Variants in ADAM10 observed in about 807,000 individuals in gnomAD.
ADAM10 encodes ADAM metallopeptidase domain 10.
Under a neutral mutation model 90.1 loss-of-function variants are expected in ADAM10, and 17 were observed. That is an observed-to-expected ratio of 0.19 (90% CI 0.13 to 0.28). ADAM10 has a LOEUF of 0.28. ADAM10 is among the 10% of genes least tolerant of loss of function. The pLI, the probability that ADAM10 is intolerant of heterozygous loss-of-function variation, is 1.00. For missense variants in ADAM10, 610 were observed against 914.3 expected, an observed-to-expected ratio of 0.67 and a Z score of 4.29; for synonymous variants, 310 against 298.6, an observed-to-expected ratio of 1.04 and a Z score of -0.40.
chr15:58,692,413 T>C (rs750308177), intron 2 of ADAM10: 15 of 565,450 alleles, frequency 2.7e-5, no homozygotes, highest in Non-Finnish European at 4.6e-5. Context: ...TTTCTTCTTA[T>C]TATTCTTATC....
chr15:58,713,536 T>C (rs1305428828), intron 2 of ADAM10, among the ~76,000 whole-genome samples: 1 of 152,172 alleles, frequency 6.6e-6, no homozygotes, highest in Non-Finnish European at 1.5e-5. Flanking sequence ...ATAAAATAAA[T>C]GCCATAACTG....
At chr15:58,682,084 C>T (rs1391310366) in intron 3 of ADAM10, 112 bp downstream of exon 3, 6 of 1,467,296 alleles carry the variant, frequency 4.1e-6, no homozygotes, top group South Asian at 2.4e-5. Flanking sequence ...ATGAATTCAA[C>T]CTCCTCTGGA....
At chr15:58,645,910 C>A (rs908900740) in intron 6 of ADAM10, 145 bp downstream of exon 6, 4 of 815,928 alleles carry the variant, frequency 4.9e-6, no homozygotes, top group Non-Finnish European at 7.8e-6. Flanking sequence ...TATCCATGTA[C>A]TTATCTTACA....
chr15:58,637,348 T>C (rs1478709402), intron 8 of ADAM10, among the ~76,000 whole-genome samples: 1 of 152,182 alleles, frequency 6.6e-6, no homozygotes, highest in East Asian at 1.9e-4. Flanking sequence ...ACTATGTTCA[T>C]TCAGTTAACT....
chr15:58,605,822 G>C (rs551481575), intron 14 of ADAM10, among the ~76,000 whole-genome samples: 1 of 152,032 alleles, frequency 6.6e-6, no homozygotes, highest in African/African-American at 2.4e-5. Context: ...CTTAAACATA[G>C]CCAATAATAA....
chr15:58,621,646 T>A, intron 10 of ADAM10, 25 bp from the exon 11 acceptor site: 1 of 1,612,956 alleles, frequency 6.2e-7, no homozygotes, highest in Non-Finnish European at 8.5e-7. Context: ...CAAGACAAAG[T>A]AAGCATTGTG....
chr15:58,667,760 T>C (rs1488340082), intron 4 of ADAM10, among the ~76,000 whole-genome samples: 1 of 143,348 alleles, frequency 7.0e-6, no homozygotes, highest in Non-Finnish European at 1.5e-5. Flanking sequence ...AAGGATAGGC[T>C]TTTTTTTTTT....
chr15:58,741,126 C>T (rs930487507), intron 1 of ADAM10, among the ~76,000 whole-genome samples: 18 of 152,292 alleles, frequency 1.2e-4, no homozygotes, highest in African/African-American at 3.8e-4. Context: ...TGTATGCACA[C>T]GTGTGTCCTG....
chr15:58,668,330 A>G (rs1038117021), intron 4 of ADAM10, among the ~76,000 whole-genome samples: 6 of 152,152 alleles, frequency 3.9e-5, no homozygotes, highest in Admixed American at 6.5e-5. Flanking sequence ...TGGAATGAAA[A>G]CTTGTAACAT....
At chr15:58,686,670 ATGAC>A (rs1897612428) in intron 2 of ADAM10, 1 of 712,850 alleles carries the variant, frequency 1.4e-6, no homozygotes, top group African/African-American at 1.7e-5. Context: ...AAAGTGATGA[ATGAC>A]TGCCTTCAAG....
intron 1 of ADAM10, among the ~76,000 whole-genome samples, chr15:58,746,770 T>C (rs1483317107): frequency 6.6e-6 from 1 of 152,002 alleles, no homozygotes; most frequent in African/African-American, 2.4e-5. Flanking sequence ...ATAAACAAAA[T>C]AAAACATTTT....
At chr15:58,696,311 T>C (rs748108814) in intron 2 of ADAM10, among the ~76,000 whole-genome samples, 4 of 149,384 alleles carry the variant, frequency 2.7e-5, no homozygotes, top group Non-Finnish European at 6.0e-5. Flanking sequence ...AAAAAAAACA[T>C]TGTATGCTAT....
rs191637017 is a variant in ADAM10 at position 58,659,238 on chromosome 15, A to C, written c.585+5859T>G. Among the ~76,000 whole-genome samples, 18 of 151,850 alleles carry C rather than the reference A, an allele frequency of 1.2e-4. 1 individual carries two copies. The highest frequency in any genetic ancestry group is 7.9e-4 in the Admixed American group (12 of 15,246). On this transcript the variant is annotated intron_variant, in intron 5 of 15. Transcript: ENST00000260408. ...CAGTGGGCCGAGATCACACCACTGC[A>C]CTCCAGCCTGGGAGACAGAGCGAGA...
At chr15:58,667,625 T>C (rs1897108070) in intron 4 of ADAM10, among the ~76,000 whole-genome samples, 1 of 152,108 alleles carries the variant, frequency 6.6e-6, no homozygotes, top group South Asian at 2.1e-4. Context: ...ATAATATTAT[T>C]ATGCATAAAA....
intron 1 of ADAM10, among the ~76,000 whole-genome samples, chr15:58,737,987 G>A (rs562033983): frequency 6.6e-6 from 1 of 152,274 alleles, no homozygotes; most frequent in Non-Finnish European, 1.5e-5. Context: ...AAGAATGGGA[G>A]AGGAAAATCT....
Position 58,642,689 on chromosome 15 carries a change from G to A in ADAM10, c.828+1197C>T, listed in dbSNP as rs535575755. ...TACATATCATTTTCCTCAAAGGTGC[G>A]TCACTAAAATGTGTTCAGGTGCTCT... On this transcript the variant is annotated intron_variant, in intron 7 of 15. Coordinates refer to ENST00000260408, the MANE Select transcript of ADAM10 (RefSeq NM_001110.4). Among the ~76,000 whole-genome samples the A allele has an allele frequency of 2.6e-5, 4 of 152,096 alleles. No individual in the cohort carries two copies. In the South Asian group the frequency reaches 6.2e-4, roughly 24 times the overall value.
In ADAM10 at chr15:58,686,435, G is replaced by A. The variant is rs1413512334; in HGVS notation, c.207-4121C>T. 19 of 1,352,830 alleles carry A rather than the reference G, an allele frequency of 1.4e-5. No homozygotes were observed. In the Middle Eastern group the frequency reaches 5.4e-4, roughly 39 times the overall value. The allele number at this position is 1,352,830 out of a possible 1,614,324, so 83.8% of individuals were successfully genotyped here. ...CATGTCCTCTGGGGCTAGCGCGAGC[G>A]CCCTGCAGTGCCTGGTGGAGCAGCT... On this transcript the variant is annotated intron_variant, in intron 2 of 15. Coordinates refer to ENST00000260408, the MANE Select transcript of ADAM10 (RefSeq NM_001110.4).
chr15:58,739,129 C>G (rs1899521090), intron 1 of ADAM10, among the ~76,000 whole-genome samples: 1 of 152,144 alleles, frequency 6.6e-6, no homozygotes, highest in South Asian at 2.1e-4. Context: ...CCTACTGCTC[C>G]TAGAGATCAT....
intron 3 of ADAM10, 115 bp from the exon 4 acceptor site, chr15:58,679,397 C>A: frequency 1.2e-6 from 1 of 842,106 alleles, no homozygotes; most frequent in Non-Finnish European, 1.9e-6. Context: ...CATATATACA[C>A]ATATATATGG....
Sources: gnomAD v4.1 joint callset for allele counts (sites outside exome capture counted in the v4.1 genomes callset) on GRCh38, gnomAD v4.1.1 for gene constraint, MANE v1.5 for transcripts, NCBI Gene and HGNC (gene_info 2026-07-23, HGNC 2026-07-21) for gene names.